Variants in GMDS observed in about 807,000 individuals in gnomAD.
GMDS encodes GDP-mannose 4,6-dehydratase, also known as GDP-mannose 4,6 dehydratase.
In GMDS, 20 loss-of-function variants were observed where a neutral mutation model predicts 49.9. The observed-to-expected ratio is 0.40, with a 90% confidence interval of 0.28 to 0.58. The LOEUF (loss-of-function observed/expected upper bound fraction) is 0.58. Ranked by LOEUF, GMDS falls within the 20% of genes least tolerant of loss-of-function variation. The pLI, the probability that GMDS is intolerant of heterozygous loss-of-function variation, is 0.42. For missense variants in GMDS, 362 were observed against 481.4 expected (o/e 0.75, Z 2.32); for synonymous variants, 177 against 178.6 (o/e 0.99, Z 0.07).
At chr6:2,088,995 A>G (rs1355757177) in intron 4 of GMDS, among the ~76,000 whole-genome samples, 1 of 152,238 alleles carries the variant, frequency 6.6e-6, no homozygotes, top group Non-Finnish European at 1.5e-5. Flanking sequence ...TCCAGTGAAC[A>G]TTTATTGGGC....
intron 5 of GMDS, 95 bp downstream of exon 5, chr6:1,960,679 C>T: frequency 1.3e-6 from 1 of 757,310 alleles, no homozygotes; most frequent in Non-Finnish European, 2.1e-6. Flanking sequence ...ATGACTTCAG[C>T]TGTGAGACAT....
rs551783238 is a variant in GMDS at position 1,995,234 on chromosome 6, T to C, written c.346-34268A>G. On this transcript the variant is annotated intron_variant, in intron 4 of 10. Transcript: ENST00000380815. ...GTGTTGTGCCACAGATCGTTTACAG[T>C]GGGGTACAAGGGAGGACCACAGTGA... is the stretch of plus-strand genomic sequence containing the variant. Among the ~76,000 whole-genome samples the C allele has an allele frequency of 1.1e-4, 16 of 152,168 alleles. No individual in the cohort carries two copies. The East Asian group carries it at 3.1e-3, about 29-fold the overall frequency.
rs1561961830 is a variant in GMDS at position 1,999,988 on chromosome 6, TATATA to T, written c.346-39027_346-39023del. Among the ~76,000 whole-genome samples, 16 of 14,310 alleles carry T rather than the reference TATATA, an allele frequency of 1.1e-3. 1 individual carries two copies. In the East Asian group the frequency reaches 0.013, roughly 12 times the overall value. 9.4% of individuals were successfully genotyped at this position (14,310 alleles called of 152,430 possible). On this transcript the variant is annotated intron_variant, in intron 4 of 10. Transcript: ENST00000380815. ...ATATATATTATATATATATTTTATA[TATATA>T]TATTATATATATATATTTTTTATAT...
intron 9 of GMDS, among the ~76,000 whole-genome samples, chr6:1,702,837 G>A (rs941672125): frequency 6.6e-5 from 10 of 152,164 alleles, no homozygotes; most frequent in Admixed American, 3.3e-4. Flanking sequence ...TGGGGAAATC[G>A]CTTCTCTGTG....
intron 7 of GMDS, among the ~76,000 whole-genome samples, chr6:1,883,346 G>C (rs994379224): frequency 6.6e-6 from 1 of 152,000 alleles, no homozygotes; most frequent in Non-Finnish European, 1.5e-5. Flanking sequence ...AGCCAAGATC[G>C]TGCCACTGCA....
intron 6 of GMDS, among the ~76,000 whole-genome samples, chr6:1,955,993 C>T (rs1763615640): frequency 6.6e-6 from 1 of 152,178 alleles, no homozygotes; most frequent in South Asian, 2.1e-4. Flanking sequence ...TCCTTTGGAG[C>T]ACTTGGTTAC....
chr6:1,998,086 C>T (rs1467864326), intron 4 of GMDS, among the ~76,000 whole-genome samples: 7 of 151,974 alleles, frequency 4.6e-5, no homozygotes, highest in Non-Finnish European at 7.4e-5. Flanking sequence ...AAATAAACAT[C>T]GGGGAAGATC....
intron 4 of GMDS, among the ~76,000 whole-genome samples, chr6:2,005,035 A>C (rs1175801490): frequency 1.3e-5 from 2 of 152,150 alleles, no homozygotes; most frequent in African/African-American, 4.8e-5. Flanking sequence ...AGAGCTTCTC[A>C]AGTACTTAAG....
intron 9 of GMDS, among the ~76,000 whole-genome samples, chr6:1,686,398 T>A (rs557194102): frequency 1.3e-5 from 2 of 152,202 alleles, no homozygotes; most frequent in Non-Finnish European, 2.9e-5. Context: ...GAAGACCAAC[T>A]GGAAATGGTT....
chr6:1,955,419 T>C (rs563940490), intron 6 of GMDS, among the ~76,000 whole-genome samples: 2 of 152,312 alleles, frequency 1.3e-5, no homozygotes, highest in East Asian at 3.9e-4. Context: ...GTAATAGTTA[T>C]TCATAAAACA....
At chr6:1,673,582 G>A (rs149983807) in intron 9 of GMDS, among the ~76,000 whole-genome samples, 16 of 151,974 alleles carry the variant, frequency 1.1e-4, no homozygotes, top group African/African-American at 3.9e-4. Flanking sequence ...TTACATTAGG[G>A]TTCACTCCAT....
chr6:1,940,759 T>C (rs1052121464), intron 6 of GMDS, among the ~76,000 whole-genome samples: 1 of 152,268 alleles, frequency 6.6e-6, no homozygotes, highest in Non-Finnish European at 1.5e-5. Flanking sequence ...TACTTTGCTA[T>C]TTGTATCAAA....
intron 7 of GMDS, among the ~76,000 whole-genome samples, chr6:1,878,195 G>A (rs574782476): frequency 1.3e-5 from 2 of 151,348 alleles, no homozygotes; most frequent in Non-Finnish European, 2.9e-5. Flanking sequence ...GGCACCTGTA[G>A]TCCCAGCTAC....
At chr6:1,812,696 G>A (rs1376163548) in intron 7 of GMDS, among the ~76,000 whole-genome samples, 3 of 152,132 alleles carry the variant, frequency 2.0e-5, no homozygotes, top group Admixed American at 6.5e-5. Context: ...AGGGGCTGAG[G>A]AAGCTGCAGT....
intron 1 of GMDS, among the ~76,000 whole-genome samples, chr6:2,201,182 A>G (rs1779513139): frequency 7.4e-6 from 1 of 134,970 alleles, no homozygotes; most frequent in Non-Finnish European, 1.6e-5. Context: ...ATGTTAGCAG[A>G]GAGGTGAGGG....
chr6:1,812,101 G>T (rs184292660), intron 7 of GMDS, among the ~76,000 whole-genome samples: 1 of 152,152 alleles, frequency 6.6e-6, no homozygotes, highest in South Asian at 2.1e-4. Context: ...TAGAAGTACC[G>T]CAGAGAGAGG....
chr6:2,040,858 C>T (rs1377227785), intron 4 of GMDS, among the ~76,000 whole-genome samples: 1 of 152,232 alleles, frequency 6.6e-6, no homozygotes, highest in African/African-American at 2.4e-5. Context: ...TCCAATCACA[C>T]TTGTGTAGAC....
chr6:2,121,604 G>A lies in GMDS; in HGVS notation c.147+3083C>T, dbSNP rs118072029. 2.1e-4 allele frequency among the ~76,000 whole-genome samples: 32 copies of A among 152,270 alleles called. No homozygotes were observed. The East Asian group carries it at 4.2e-3, about 20-fold the overall frequency. ...CACGGCTTCAGGAGTCTAAATGTGC[G>A]TGAGGTGACACAAAGTGATTAACCA... On this transcript the variant is annotated intron_variant, in intron 2 of 10. Coordinates refer to ENST00000380815, the MANE Select transcript of GMDS (RefSeq NM_001500.4).
intron 7 of GMDS, among the ~76,000 whole-genome samples, chr6:1,768,751 C>G (rs1429001121): frequency 1.3e-5 from 2 of 152,222 alleles, no homozygotes. Flanking sequence ...TGTTCCCAAG[C>G]ATTTCAGATA....
Sources: allele counts gnomAD v4.1 joint callset (sites outside exome capture counted in the v4.1 genomes callset), GRCh38; gene constraint gnomAD v4.1.1; transcripts MANE v1.5; gene names NCBI Gene and HGNC (gene_info 2026-07-23, HGNC 2026-07-21).